TTC28: variants seen among roughly 807,000 people sequenced by gnomAD.
The protein encoded by TTC28 is tetratricopeptide repeat protein 28.
Under a neutral mutation model 198.0 loss-of-function variants are expected in TTC28, and 61 were observed. That is an observed-to-expected ratio of 0.31 (90% CI 0.25 to 0.38). TTC28 has a LOEUF of 0.38. Ranked by LOEUF, TTC28 falls within the 10% of genes least tolerant of loss-of-function variation. TTC28 has a pLI of 1.00. For synonymous variants in TTC28, 1,171 were observed against 1,297.8 expected (o/e 0.90, Z 2.10); for missense variants, 2,678 against 3,164.0 (o/e 0.85, Z 3.69).
At chr22:28,088,269 A>G (rs568704311) in intron 12 of TTC28, among the ~76,000 whole-genome samples, 2 of 152,286 alleles carry the variant, frequency 1.3e-5, no homozygotes, top group Admixed American at 1.3e-4. Flanking sequence ...ACTATACTAC[A>G]AGGCTACAGT....
intron 13 of TTC28, among the ~76,000 whole-genome samples, chr22:28,018,912 C>T (rs985978684): frequency 6.6e-6 from 1 of 152,240 alleles, no homozygotes; most frequent in African/African-American, 2.4e-5. Flanking sequence ...AGTGCTGCTG[C>T]TGCCTTGTGC....
At chr22:28,438,762 T>C (rs1568943554) in intron 2 of TTC28, among the ~76,000 whole-genome samples, 2 of 152,156 alleles carry the variant, frequency 1.3e-5, no homozygotes, top group Non-Finnish European at 1.5e-5. Flanking sequence ...AAATATAAGA[T>C]AAAGATGTGA....
chr22:28,360,876 C>G (rs1319487650), intron 2 of TTC28, among the ~76,000 whole-genome samples: 1 of 152,150 alleles, frequency 6.6e-6, no homozygotes, highest in Non-Finnish European at 1.5e-5. Context: ...CACAATTTCA[C>G]ACTTTTTCAT....
rs1276983447 is a variant in TTC28 at position 28,094,254 on chromosome 22, A to C, written c.3767-9T>G. The C allele has an allele frequency of 1.3e-6, 2 of 1,539,496 alleles. No individual in the cohort carries two copies. Among genetic ancestry groups the C allele is most frequent in the South Asian group, 2.4e-5 (2 of 81,664 alleles). On this transcript the variant is annotated splice_polypyrimidine_tract_variant and intron_variant, in intron 11 of 22. Coordinates refer to ENST00000397906, the MANE Select transcript of TTC28 (RefSeq NM_001145418.2). Reference sequence around the variant, plus strand: ...ATGAAACTTCACAATTCCTGAAGCAAAACAGGCACAGCCAACATTATACAC... The same window carrying C: ...ATGAAACTTCACAATTCCTGAAGCACAACAGGCACAGCCAACATTATACAC...
In TTC28 at chr22:28,547,623, G is replaced by A. The variant is rs559461285; in HGVS notation, c.381+81929C>T. 9.9e-4 allele frequency among the ~76,000 whole-genome samples: 150 copies of A among 151,850 alleles called. 1 individual carries two copies. Among genetic ancestry groups the A allele is most frequent in the Non-Finnish European group, 1.9e-3 (126 of 67,948 alleles). ...ATACTGCAATCAAATCCAAGAAGCT[G>A]TCATTTTTTATTTAACATCCATGGG... On this transcript the variant is annotated intron_variant, in intron 2 of 22. Coordinates refer to ENST00000397906, the MANE Select transcript of TTC28 (RefSeq NM_001145418.2).
At chr22:28,064,430 A>G (rs902372309) in intron 12 of TTC28, among the ~76,000 whole-genome samples, 5 of 152,124 alleles carry the variant, frequency 3.3e-5, no homozygotes, top group African/African-American at 1.2e-4. Context: ...CCTTCTAGAA[A>G]GTGGAAAACT....
chr22:28,364,067 G>T (rs1468046633), intron 2 of TTC28, among the ~76,000 whole-genome samples: 2 of 152,128 alleles, frequency 1.3e-5, no homozygotes, highest in African/African-American at 4.8e-5. Flanking sequence ...CATGAGACCT[G>T]GGAGGAATCA....
At chr22:28,267,497 G>A (rs1931761481) in intron 5 of TTC28, among the ~76,000 whole-genome samples, 1 of 152,200 alleles carries the variant, frequency 6.6e-6, no homozygotes, top group Non-Finnish European at 1.5e-5. Flanking sequence ...AATTTGGTGG[G>A]AGAAGGACCA....
chr22:28,403,058 C>G (rs2046941754), intron 2 of TTC28, among the ~76,000 whole-genome samples: 1 of 152,220 alleles, frequency 6.6e-6, no homozygotes, highest in Non-Finnish European at 1.5e-5. Context: ...TAGCCAATCT[C>G]AAAAGCTAAA....
intron 5 of TTC28, among the ~76,000 whole-genome samples, chr22:28,259,194 T>TC (rs1474403537): frequency 2.6e-5 from 4 of 152,142 alleles, no homozygotes; most frequent in African/African-American, 9.7e-5. Flanking sequence ...TCCACCTTTT[T>TC]CTCTGGACTA....
chr22:28,243,917 A>C (rs1929885215), intron 5 of TTC28, among the ~76,000 whole-genome samples: 1 of 152,200 alleles, frequency 6.6e-6, no homozygotes, highest in Admixed American at 6.5e-5. Flanking sequence ...TGTTACAGGC[A>C]CTAAAGATAC....
At chr22:28,072,097 G>T (rs1941006913) in intron 12 of TTC28, among the ~76,000 whole-genome samples, 1 of 152,188 alleles carries the variant, frequency 6.6e-6, no homozygotes, top group Admixed American at 6.5e-5. Context: ...ATATGTTCAT[G>T]GCACTTCACA....
chr22:28,436,674 T>G (rs2047525384), intron 2 of TTC28, among the ~76,000 whole-genome samples: 1 of 152,228 alleles, frequency 6.6e-6, no homozygotes, highest in South Asian at 2.1e-4. Context: ...GGAACTCTCG[T>G]AAGCATTTTA....
At chr22:28,564,224 G>T (rs990048263) in intron 2 of TTC28, among the ~76,000 whole-genome samples, 5 of 152,136 alleles carry the variant, frequency 3.3e-5, no homozygotes, top group Admixed American at 6.5e-5. Context: ...GTATAATATT[G>T]TGAATACACT....
chr22:28,556,964 A>G (rs1184492821), intron 2 of TTC28, among the ~76,000 whole-genome samples: 1 of 152,190 alleles, frequency 6.6e-6, no homozygotes, highest in East Asian at 1.9e-4. Context: ...GGAAGCCACA[A>G]TGCCTTTCAT....
intron 6 of TTC28, among the ~76,000 whole-genome samples, chr22:28,134,871 G>A (rs1213002027): frequency 6.6e-6 from 1 of 152,112 alleles, no homozygotes; most frequent in Admixed American, 6.5e-5. Flanking sequence ...CTATATTTCT[G>A]TGTGGAAGTT....
At chr22:28,286,346 T>A (rs1454643408) in intron 5 of TTC28, among the ~76,000 whole-genome samples, 4 of 152,200 alleles carry the variant, frequency 2.6e-5, no homozygotes, top group African/African-American at 9.7e-5. Context: ...ATAACACATT[T>A]TAATCCAACG....
In TTC28 at chr22:28,194,770, G is replaced by A. The variant is rs1203116795; in HGVS notation, c.934-31171C>T. The stretch of plus-strand genomic sequence containing the variant: ...GAATCCCTGAATAGACCAATAACAG[G>A]CTCTGAAATTGAGGCAATAATTAAT... On this transcript the variant is annotated intron_variant, in intron 5 of 22. Coordinates refer to ENST00000397906, the MANE Select transcript of TTC28 (RefSeq NM_001145418.2). Among the ~76,000 whole-genome samples the A allele has an allele frequency of 2.2e-3, 289 of 129,048 alleles. 1 individual carries two copies. The highest frequency in any genetic ancestry group is 3.0e-3 in the Non-Finnish European group (184 of 61,802). The allele number at this position is 129,048 out of a possible 152,430, so 84.7% of individuals were successfully genotyped here. A position where few individuals can be genotyped will look rare whatever the true frequency, so the allele number is the denominator to read the frequency against.
chr22:28,335,703 T>C (rs955059806), intron 2 of TTC28, among the ~76,000 whole-genome samples: 3 of 152,246 alleles, frequency 2.0e-5, no homozygotes, highest in Admixed American at 2.0e-4. Context: ...CCTGAGACTT[T>C]GCTGAAGTTC....
Sources: gnomAD v4.1 joint callset for allele counts (sites outside exome capture counted in the v4.1 genomes callset) on GRCh38, gnomAD v4.1.1 for gene constraint, MANE v1.5 for transcripts, NCBI Gene and HGNC (gene_info 2026-07-23, HGNC 2026-07-21) for gene names.